The following TRIP4 variants were observed in gnomAD, a reference collection of about 807,000 sequenced individuals.
TRIP4 encodes activating signal cointegrator 1.
In TRIP4, 54 loss-of-function variants were observed where a neutral mutation model predicts 81.8. That is an observed-to-expected ratio of 0.66 (90% CI 0.53 to 0.83). TRIP4 has a LOEUF of 0.83. Among genes scored for constraint, TRIP4 ranks in the 40% least tolerant of loss-of-function variants. The pLI, the probability that TRIP4 is intolerant of heterozygous loss-of-function variation, is 0.00. For missense variants in TRIP4, 662 were observed against 683.6 expected, an observed-to-expected ratio of 0.97 and a Z score of 0.35; for synonymous variants, 270 against 242.8, an observed-to-expected ratio of 1.11 and a Z score of -1.04.
intron 11 of TRIP4, among the ~76,000 whole-genome samples, chr15:64,435,542 ATAT>A (rs917380306): frequency 3.0e-4 from 40 of 131,434 alleles, no homozygotes; most frequent in African/African-American, 1.2e-3. Flanking sequence ...AAAAAAAAAA[ATAT>A]TATTATTGCT....
intron 3 of TRIP4, among the ~76,000 whole-genome samples, chr15:64,396,935 T>C (rs76261356): frequency 6.6e-4 from 100 of 152,354 alleles, no homozygotes; most frequent in African/African-American, 2.3e-3. Flanking sequence ...GTTTAGCCAT[T>C]CTGGTTGGTA....
chr15:64,416,851 T>C (rs2140296521), intron 8 of TRIP4, among the ~76,000 whole-genome samples: 1 of 152,292 alleles, frequency 6.6e-6, no homozygotes. Context: ...TATGCCACAA[T>C]TGACAAGAAT....
intron 4 of TRIP4, among the ~76,000 whole-genome samples, chr15:64,399,719 T>C (rs779556569): frequency 4.0e-5 from 6 of 151,732 alleles, no homozygotes; most frequent in Non-Finnish European, 4.4e-5. Flanking sequence ...CCACGCTCAA[T>C]TGAACTCCTG....
intron 8 of TRIP4, 117 bp downstream of exon 8, chr15:64,414,328 C>G: frequency 7.4e-7 from 1 of 1,353,154 alleles, no homozygotes; most frequent in Non-Finnish European, 1.0e-6. Flanking sequence ...TACACCTGTA[C>G]CAATCAGCTC....
chr15:64,402,245 G>A (rs765073343), intron 5 of TRIP4, among the ~76,000 whole-genome samples: 3 of 150,026 alleles, frequency 2.0e-5, no homozygotes, highest in Admixed American at 1.3e-4. Context: ...TTTTTGAGAC[G>A]GAGTTTCACT....
rs144033179 is a variant in TRIP4 at position 64,421,999 on chromosome 15, T to C, written c.1359-2032T>C. 9.3e-3 allele frequency among the ~76,000 whole-genome samples: 1,390 copies of C among 150,102 alleles called. 19 individuals carry two copies. The highest frequency in any genetic ancestry group is 0.032 in the African/African-American group (1,305 of 40,570). ...GACAGAGGCTGGAGTGAGCCGAGAT[T>C]GCCTGGGTGATAGAGTGAGACTCAG... is the stretch of plus-strand genomic sequence containing the variant. On this transcript the variant is annotated intron_variant, in intron 9 of 12. Coordinates refer to ENST00000261884, the MANE Select transcript of TRIP4 (RefSeq NM_016213.5).
At chr15:64,449,389 A>G (rs1892703924) in intron 12 of TRIP4, among the ~76,000 whole-genome samples, 1 of 151,264 alleles carries the variant, frequency 6.6e-6, no homozygotes, top group African/African-American at 2.4e-5. Context: ...TTTTTGAGAC[A>G]GGGGTCTCAC....
At chr15:64,389,692 A>G (rs1900060277) in intron 1 of TRIP4, among the ~76,000 whole-genome samples, 1 of 151,702 alleles carries the variant, frequency 6.6e-6, no homozygotes, top group African/African-American at 2.4e-5. Context: ...TTACGAATAT[A>G]AGTTCAAAAT....
At chr15:64,422,393 T>A (rs562962168) in intron 9 of TRIP4, among the ~76,000 whole-genome samples, 1 of 152,246 alleles carries the variant, frequency 6.6e-6, no homozygotes, top group African/African-American at 2.4e-5. Context: ...TAATCATTTC[T>A]ACTTTGGTAG....
intron 8 of TRIP4, among the ~76,000 whole-genome samples, chr15:64,414,963 G>A (rs914370131): frequency 4.6e-5 from 7 of 151,864 alleles, no homozygotes; most frequent in African/African-American, 1.2e-4. Flanking sequence ...CCATGGTGGC[G>A]TGGTGCCTGT....
chr15:64,448,820 T>C (rs1305023238), intron 12 of TRIP4, among the ~76,000 whole-genome samples: 1 of 152,136 alleles, frequency 6.6e-6, no homozygotes, highest in East Asian at 1.9e-4. Context: ...CCCAGTTACA[T>C]TGGGGAAAAT....
chr15:64,391,776 C>A (rs1263035816), intron 1 of TRIP4, among the ~76,000 whole-genome samples: 2 of 151,330 alleles, frequency 1.3e-5, no homozygotes, highest in Non-Finnish European at 1.5e-5. Flanking sequence ...TCAAGACCAG[C>A]CTGCCCAACA....
rs776939282 is a variant in TRIP4, at chr15:64,393,996, A to G, written c.152A>G (p.Asp51Gly). 14 of 1,609,564 alleles carry G rather than the reference A, an allele frequency of 8.7e-6. No individual in the cohort carries two copies. The highest frequency in any genetic ancestry group is 1.6e-4 in the Middle Eastern group (1 of 6,072). Residue 51 changes from aspartate (D) to glycine (G), a missense_variant, in exon 2 of 13, where the codon GAT (aspartate) becomes GGT (glycine). Transcript: ENST00000261884. ...GAAGAGATACGAGAATATGTTACTG[A>G]TCTCCTCCAGGGAAATGAAGGCAAA... ...SAEEIREYVT[D>G]LLQGNEGKKG...
At chr15:64,398,524 C>G (rs1315891560) in intron 4 of TRIP4, among the ~76,000 whole-genome samples, 1 of 151,006 alleles carries the variant, frequency 6.6e-6, no homozygotes, top group Non-Finnish European at 1.5e-5. Flanking sequence ...GAAATGGGAG[C>G]TTCACTTGAT....
Position 64,395,437 on chromosome 15 carries a change from G to A in TRIP4, c.311G>A (p.Arg104Gln), listed in dbSNP as rs758074126. The A allele has an allele frequency of 2.3e-5, 37 of 1,613,414 alleles. No homozygotes were observed. Among genetic ancestry groups the A allele is most frequent in the African/African-American group, 9.4e-5 (7 of 74,804 alleles). ...CAGAAATCAGGCGACCATCTAAAGC[G>A]GGGTAGGAAGAAAGGGAGAAACAGA... Reference protein sequence around the residue: ...DGQKSGDHLKRGRKKGRNRQE... With the variant: ...DGQKSGDHLKQGRKKGRNRQE... Residue 104 changes from arginine (R) to glutamine (Q), a missense_variant, in exon 3 of 13, where the codon CGG (arginine) becomes CAG (glutamine). Coordinates refer to ENST00000261884, the MANE Select transcript of TRIP4 (RefSeq NM_016213.5).
chr15:64,389,869 T>C (rs1900069494), intron 1 of TRIP4, among the ~76,000 whole-genome samples: 1 of 150,710 alleles, frequency 6.6e-6, no homozygotes, highest in African/African-American at 2.4e-5. Context: ...GCCTGGCTAA[T>C]TTTTGTATTC....
intron 2 of TRIP4, 58 bp from the exon 3 acceptor site, chr15:64,395,340 C>G: frequency 1.4e-6 from 2 of 1,469,624 alleles, no homozygotes; most frequent in Non-Finnish European, 9.1e-7. Flanking sequence ...TATTAGTTCA[C>G]CAGGAATCCT....
At chr15:64,389,694 G>A (rs1185496978) in intron 1 of TRIP4, among the ~76,000 whole-genome samples, 26 of 146,430 alleles carry the variant, frequency 1.8e-4, no homozygotes, top group Non-Finnish European at 1.5e-5. Flanking sequence ...ACGAATATAA[G>A]TTCAAAATTT....
chr15:64,451,741 A>G (rs779450209), intron 12 of TRIP4, among the ~76,000 whole-genome samples: 2 of 145,840 alleles, frequency 1.4e-5, no homozygotes, highest in East Asian at 2.1e-4. Flanking sequence ...GGAACCTCCA[A>G]CTCCTGGGTT....
Sources: allele counts gnomAD v4.1 joint callset (sites outside exome capture counted in the v4.1 genomes callset), GRCh38; gene constraint gnomAD v4.1.1; transcripts MANE v1.5; gene names NCBI Gene and HGNC (gene_info 2026-07-23, HGNC 2026-07-21).